Variants in TBL1X observed in about 807,000 individuals in gnomAD.
The protein encoded by TBL1X is F-box-like/WD repeat-containing protein TBL1X.
A neutral mutation model predicts 50.7 loss-of-function variants in TBL1X; 10 were observed. The observed-to-expected ratio is 0.20, with a 90% CI of 0.12 to 0.33. The LOEUF is 0.33. Ranked by LOEUF, TBL1X falls within the 10% of genes least tolerant of loss-of-function variation. TBL1X has a pLI of 1.00. For synonymous variants in TBL1X, 190 were observed against 214.7 expected (o/e 0.88, Z 1.01); for missense variants, 340 against 504.4 (o/e 0.67, Z 3.12).
At chrX:9,682,852 T>G (rs1172171267) in intron 5 of TBL1X, among the ~76,000 whole-genome samples, 1 of 111,887 alleles carries the variant, frequency 8.9e-6, no homozygotes, top group Non-Finnish European at 1.9e-5. Context: ...ACTCCCTGCT[T>G]CCTGCTCATT....
chrX:9,594,496 C>T (rs2082518069), intron 2 of TBL1X, among the ~76,000 whole-genome samples: 1 of 112,058 alleles, frequency 8.9e-6, no homozygotes, highest in Non-Finnish European at 1.9e-5. Context: ...TTTGCTCCCT[C>T]CCGTCTTGGT....
intron 13 of TBL1X, 36 bp from the exon 14 acceptor site, chrX:9,709,212 C>CTGATCA: frequency 8.4e-7 from 1 of 1,194,757 alleles, no homozygotes; most frequent in Non-Finnish European, 1.1e-6. Flanking sequence ...CTCACAGGCC[C>CTGATCA]TGATGTCTTT....
intron 2 of TBL1X, among the ~76,000 whole-genome samples, chrX:9,619,564 AC>A (rs1229854494): frequency 1.8e-5 from 2 of 112,295 alleles, no homozygotes; most frequent in African/African-American, 6.5e-5. Flanking sequence ...ATTCACACTT[AC>A]CCTGTCTCTC....
At chrX:9,599,105 G>A (rs965913505) in intron 2 of TBL1X, among the ~76,000 whole-genome samples, 3 of 109,730 alleles carry the variant, frequency 2.7e-5, no homozygotes, top group Admixed American at 1.9e-4. Flanking sequence ...CGCCACACCC[G>A]GCTAATTTTT....
At chrX:9,503,149 C>A (rs1334468617) in intron 2 of TBL1X, among the ~76,000 whole-genome samples, 1 of 112,303 alleles carries the variant, frequency 8.9e-6, no homozygotes, top group Non-Finnish European at 1.9e-5. Context: ...AGAAGGCTGG[C>A]GTGACCCACA....
chrX:9,556,185 T>TAAACAA (rs1265455195), intron 2 of TBL1X, among the ~76,000 whole-genome samples: 1 of 94,657 alleles, frequency 1.1e-5, no homozygotes. Flanking sequence ...AGACTGTGTC[T>TAAACAA]AAACAAAAAA....
At chrX:9,569,746 T>C (rs1208649015) in intron 2 of TBL1X, among the ~76,000 whole-genome samples, 2 of 112,211 alleles carry the variant, frequency 1.8e-5, no homozygotes, top group Admixed American at 9.4e-5. Flanking sequence ...AGCACATACA[T>C]AATCCAGGTA....
At position 9,716,224 on chromosome X, in the gene TBL1X, G is replaced by A. The variant is rs779263090; in HGVS notation, c.1712G>A (p.Cys571Tyr). 4 of 1,210,760 alleles carry A rather than the reference G, an allele frequency of 3.3e-6. No homozygotes were observed. The South Asian group carries it at 5.3e-5, about 16-fold the overall frequency. Reference sequence around the variant, plus strand: ...GTGCTTTATCTTTCCTTCCAGGTGTGTGTTTTGGATCTGCGGAAGTAACCA... The same window carrying A: ...GTGCTTTATCTTTCCTTCCAGGTGTATGTTTTGGATCTGCGGAAGTAACCA... ...VGASASDGSV[C>Y]VLDLRK The change falls in exon 18 of 18, where the codon TGT (cysteine) becomes TAT (tyrosine). Residue 571 changes from cysteine to tyrosine, a missense_variant. Around this residue, in one of 6 missense-constraint regions of TBL1X, gnomAD observed 170 missense variants for 272.6 expected, o/e 0.62. Transcript: ENST00000645353.
intron 11 of TBL1X, among the ~76,000 whole-genome samples, chrX:9,696,896 T>C (rs1254796702): frequency 8.9e-6 from 1 of 112,348 alleles, no homozygotes; most frequent in Non-Finnish European, 1.9e-5. Context: ...TGGGAGTTAT[T>C]TATATCCTGC....
chrX:9,499,609 G>C (rs1183834221), intron 1 of TBL1X, among the ~76,000 whole-genome samples: 2 of 112,299 alleles, frequency 1.8e-5, no homozygotes, highest in African/African-American at 6.5e-5. Context: ...CACATAAAGG[G>C]ACAAACGTTG....
chrX:9,693,065 A>G, intron 9 of TBL1X, 84 bp from the exon 10 acceptor site: 1 of 1,002,758 alleles, frequency 1.0e-6, no homozygotes, highest in East Asian at 3.0e-5. Context: ...GTGTACCTGG[A>G]TCCTCGGAGA....
intron 9 of TBL1X, among the ~76,000 whole-genome samples, chrX:9,692,455 T>A (rs1317774161): frequency 1.8e-5 from 2 of 112,122 alleles, no homozygotes; most frequent in South Asian, 3.7e-4. Flanking sequence ...TTGCCCAGGC[T>A]GGAATGCAGT....
At chrX:9,527,799 A>C (rs1331471836) in intron 2 of TBL1X, among the ~76,000 whole-genome samples, 1 of 107,745 alleles carries the variant, frequency 9.3e-6, no homozygotes, top group African/African-American at 3.4e-5. Flanking sequence ...TAACTCCCAA[A>C]CTTTTTCTTT....
chrX:9,541,367 G>T (rs1359927082), intron 2 of TBL1X, among the ~76,000 whole-genome samples: 1 of 111,110 alleles, frequency 9.0e-6, no homozygotes, highest in African/African-American at 3.3e-5. Context: ...TGGATGGTTA[G>T]ATTGGATTTA....
chrX:9,663,760 CA>C (rs57927750), intron 5 of TBL1X, among the ~76,000 whole-genome samples: 1,649 of 39,284 alleles, frequency 0.042, 34 homozygotes, highest in African/African-American at 0.11. Context: ...GATTCTGTCT[CA>C]AAAAAAAAAA....
At chrX:9,610,729 C>A (rs2082609181) in intron 2 of TBL1X, among the ~76,000 whole-genome samples, 1 of 112,112 alleles carries the variant, frequency 8.9e-6, no homozygotes, top group Admixed American at 9.5e-5. Flanking sequence ...TTCTGTTTTT[C>A]TTTTTCCCTT....
intron 1 of TBL1X, among the ~76,000 whole-genome samples, chrX:9,491,883 C>T (rs1455262577): frequency 1.8e-5 from 2 of 111,299 alleles, no homozygotes; most frequent in African/African-American, 3.3e-5. Context: ...GATAGGACAA[C>T]AGAAGTACAG....
At chrX:9,686,090 T>C (rs1462088591) in intron 6 of TBL1X, among the ~76,000 whole-genome samples, 1 of 111,485 alleles carries the variant, frequency 9.0e-6, no homozygotes. Context: ...CCGGTGTTTT[T>C]TCCTCTCTTG....
intron 2 of TBL1X, among the ~76,000 whole-genome samples, chrX:9,628,106 G>C (rs1396790462): frequency 8.9e-6 from 1 of 112,738 alleles, no homozygotes; most frequent in Non-Finnish European, 1.9e-5. Flanking sequence ...TGAACTTGTG[G>C]AAGAAGCTTA....
Sources: gnomAD v4.1 joint callset for allele counts (sites outside exome capture counted in the v4.1 genomes callset) on GRCh38, gnomAD v4.1.1 for gene constraint, gnomAD v4.1.1 regional missense constraint, MANE v1.5 for transcripts, NCBI Gene and HGNC (gene_info 2026-07-23, HGNC 2026-07-21) for gene names.